The following TRIP12 variants were observed in gnomAD, a reference collection of about 807,000 sequenced individuals.
TRIP12 encodes thyroid hormone receptor interactor 12, also known as E3 ubiquitin-protein ligase TRIP12.
Under a neutral mutation model 244.2 loss-of-function variants are expected in TRIP12, and 25 were observed. The observed-to-expected ratio is 0.10, with a 90% CI of 0.07 to 0.14. The LOEUF is 0.14. Ranked by LOEUF, TRIP12 falls within the 10% of genes least tolerant of loss-of-function variation. The pLI, the probability that TRIP12 is intolerant of heterozygous loss-of-function variation, is 1.00. For missense variants in TRIP12, 1,677 were observed against 2,486.4 expected, an observed-to-expected ratio of 0.67 and a Z score of 6.92; for synonymous variants, 905 against 873.1, an observed-to-expected ratio of 1.04 and a Z score of -0.64.
At chr2:229,849,243 ATG>A (rs2058173076) in intron 4 of TRIP12, among the ~76,000 whole-genome samples, 2 of 152,336 alleles carry the variant, frequency 1.3e-5, no homozygotes, top group African/African-American at 4.8e-5. Flanking sequence ...AAAAGCAAAA[ATG>A]TGTGAGAAAG....
intron 1 of TRIP12, among the ~76,000 whole-genome samples, chr2:229,919,999 A>T (rs920688320): frequency 6.6e-6 from 1 of 152,214 alleles, no homozygotes; most frequent in East Asian, 1.9e-4. Flanking sequence ...TAAATATGAA[A>T]ATCAGCCTCA....
rs1330997978 is a variant in TRIP12, at chr2:229,785,790, T to C, written c.5061A>G (p.Ser1687=). ...AESVMQDLGS[S]RAMLEIQYEN... ...CATACTGGATTTCTAACATGGCCCG[T>C]GAGCTGCCGAGGTCCTGCATCACAG... is the stretch of plus-strand genomic sequence containing the variant. The change falls in exon 34 of 42, where the codon TCA becomes TCG. Residue 1687 remains serine, a synonymous_variant. Coordinates refer to ENST00000675903, the MANE Select transcript of TRIP12 (RefSeq NM_001348323.3). 1.9e-6 allele frequency: 3 copies of C among 1,613,396 alleles called. No homozygotes were observed. The highest frequency in any genetic ancestry group is 3.3e-5 in the Admixed American group (2 of 59,938).
chr2:229,849,349 G>GT (rs2058199254), intron 4 of TRIP12, among the ~76,000 whole-genome samples: 1 of 152,186 alleles, frequency 6.6e-6, no homozygotes, highest in Non-Finnish European at 1.5e-5. Context: ...AAGACAGGAA[G>GT]TATGTAACAG....
chr2:229,785,366 G>A lies in TRIP12; in HGVS notation c.5094+391C>T, dbSNP rs528428554. Among the ~76,000 whole-genome samples the A allele has an allele frequency of 1.5e-3, 235 of 152,294 alleles. 1 individual carries two copies. Among genetic ancestry groups the A allele is most frequent in the African/African-American group, 5.5e-3 (227 of 41,574 alleles). On this transcript the variant is annotated intron_variant, in intron 34 of 41. Coordinates refer to ENST00000675903, the MANE Select transcript of TRIP12 (RefSeq NM_001348323.3). ...TGATCAGAGTATTCTTTATCTTGAC[G>A]TGAAAGTGGTAACAAATTGCATCTG...
intron 8 of TRIP12, among the ~76,000 whole-genome samples, chr2:229,827,558 T>C (rs189844365): frequency 6.6e-6 from 1 of 152,070 alleles, no homozygotes; most frequent in Admixed American, 6.5e-5. Context: ...GGGATGAAGA[T>C]CATCGGTATC....
rs1407147450 is a variant in TRIP12, at chr2:229,820,475, CTT to C, written c.1451-1965_1451-1964del. On this transcript the variant is annotated intron_variant, in intron 8 of 41. Coordinates refer to ENST00000675903, the MANE Select transcript of TRIP12 (RefSeq NM_001348323.3). ...TTTGAATTTAGAATCATTTTATACT[CTT>C]AAAAACTACTGAGGTACCACAAAGC... is the stretch of plus-strand genomic sequence containing the variant. Among the ~76,000 whole-genome samples, 241 of 152,226 alleles carry C rather than the reference CTT, an allele frequency of 1.6e-3. 1 individual carries two copies. The highest frequency in any genetic ancestry group is 6.8e-3 in the Middle Eastern group (2 of 294).
intron 4 of TRIP12, among the ~76,000 whole-genome samples, chr2:229,850,131 G>A (rs1465943589): frequency 3.3e-5 from 5 of 152,100 alleles, no homozygotes; most frequent in Non-Finnish European, 7.4e-5. Context: ...ACATAATTTG[G>A]CTAATTTAAT....
intron 1 of TRIP12, among the ~76,000 whole-genome samples, chr2:229,901,678 G>C (rs1478112770): frequency 6.6e-6 from 1 of 151,626 alleles, no homozygotes; most frequent in African/African-American, 2.4e-5. Flanking sequence ...CTTCAGAACA[G>C]TTTTTTAGGA....
At chr2:229,853,553 A>C (rs2059099751) in intron 4 of TRIP12, among the ~76,000 whole-genome samples, 1 of 152,160 alleles carries the variant, frequency 6.6e-6, no homozygotes, top group South Asian at 2.1e-4. Flanking sequence ...GCTACTTGGG[A>C]GGCTGAGACA....
intron 16 of TRIP12, 129 bp downstream of exon 16, chr2:229,808,123 C>T (rs1331463365): frequency 2.5e-5 from 19 of 748,592 alleles, no homozygotes; most frequent in East Asian, 2.4e-4. Flanking sequence ...CCCGCCACTA[C>T]GCCCAGGTAA....
chr2:229,814,534 AAT>A (rs1292472220), intron 11 of TRIP12: 9 of 420,852 alleles, frequency 2.1e-5, no homozygotes, highest in Admixed American at 4.0e-5. Flanking sequence ...GATACTGAAA[AAT>A]ATGTTTTACA....
At chr2:229,802,004 A>G (rs1275915042) in intron 21 of TRIP12, among the ~76,000 whole-genome samples, 1 of 152,226 alleles carries the variant, frequency 6.6e-6, no homozygotes. Context: ...CAAGTCACAA[A>G]TGTCTCTGAA....
Position 229,791,965 on chromosome 2 carries a change from C to T in TRIP12, c.4316G>A (p.Arg1439Gln), listed in dbSNP as rs756160444. Reference sequence around the variant, plus strand: ...ATCTTCAGCCTGTATACTAAACTGCCGTACTGCCTGATACACAGTCATGTT... The same window carrying T: ...ATCTTCAGCCTGTATACTAAACTGCTGTACTGCCTGATACACAGTCATGTT... The part of the protein sequence containing the change: ...PYNMTVYQAV[R>Q]QFSIQAEDER... Residue 1439 changes from arginine to glutamine, a missense_variant, in exon 29 of 42, where the codon CGG (arginine) becomes CAG (glutamine). This residue lies in a region of TRIP12 where 265 missense variants were observed against 370.8 expected (regional missense o/e 0.71). Transcript: ENST00000675903. 28 of 1,614,114 alleles carry T rather than the reference C, an allele frequency of 1.7e-5. No individual in the cohort carries two copies. The highest frequency in any genetic ancestry group is 2.2e-5 in the Non-Finnish European group (26 of 1,179,984).
Position 229,827,106 on chromosome 2 carries a change from CTG to C in TRIP12, c.1450+2085_1450+2086del, listed in dbSNP as rs1477106968. Among the ~76,000 whole-genome samples, 4 of 152,122 alleles carry C rather than the reference CTG, an allele frequency of 2.6e-5. No homozygotes were observed. The East Asian group carries it at 7.7e-4, about 29-fold the overall frequency. ...ACATCCTAGCTAACACAGTGAAACC[CTG>C]TCTCTACTAAAAATACAAAAAATTA... On this transcript the variant is annotated intron_variant, in intron 8 of 41. Coordinates refer to ENST00000675903, the MANE Select transcript of TRIP12 (RefSeq NM_001348323.3).
intron 2 of TRIP12, among the ~76,000 whole-genome samples, chr2:229,878,464 C>G (rs1007996597): frequency 2.3e-4 from 35 of 149,524 alleles, no homozygotes; most frequent in Non-Finnish European, 3.6e-4. Context: ...AAAAAGAAAA[C>G]AAAACAAAAA....
At chr2:229,811,412 CTT>C (rs1253339986) in intron 13 of TRIP12, among the ~76,000 whole-genome samples, 3 of 151,268 alleles carry the variant, frequency 2.0e-5, no homozygotes, top group East Asian at 1.9e-4. Flanking sequence ...CAACCTCTCT[CTT>C]GTATAAAGGC....
At position 229,805,633 on chromosome 2, in the gene TRIP12, G is replaced by T. The variant is rs975968781; in HGVS notation, c.2650+97C>A. The T allele has an allele frequency of 1.6e-5, 20 of 1,225,424 alleles. No individual in the cohort carries two copies. In the South Asian group the frequency reaches 3.5e-4, roughly 21 times the overall value. The allele number at this position is 1,225,424 out of a possible 1,614,324, so 75.9% of individuals were successfully genotyped here. A position where few individuals can be genotyped will look rare whatever the true frequency, so the allele number is the denominator to read the frequency against. ...AATTATTGTTATGCAATTGTCTTAA[G>T]CTTAAAAAGATACTTAATAAGCCAA... On this transcript the variant is annotated intron_variant, in intron 18 of 41. Coordinates refer to ENST00000675903, the MANE Select transcript of TRIP12 (RefSeq NM_001348323.3).
At chr2:229,856,293 ATACTAAAT>A (rs1339000362) in intron 4 of TRIP12, among the ~76,000 whole-genome samples, 2 of 152,186 alleles carry the variant, frequency 1.3e-5, no homozygotes, top group Non-Finnish European at 2.9e-5. Flanking sequence ...GAGTTTTAAA[ATACTAAAT>A]TAGTTTGTGA....
chr2:229,903,015 T>A, intron 1 of TRIP12, among the ~76,000 whole-genome samples: 1 of 98,022 alleles, frequency 1.0e-5, no homozygotes, highest in Non-Finnish European at 2.1e-5. Flanking sequence ...TTTTTCTTTT[T>A]TTCTTTTTTT....
Sources: gnomAD v4.1 joint callset for allele counts (sites outside exome capture counted in the v4.1 genomes callset) on GRCh38, gnomAD v4.1.1 for gene constraint, gnomAD v4.1.1 regional missense constraint, MANE v1.5 for transcripts, NCBI Gene and HGNC (gene_info 2026-07-23, HGNC 2026-07-21) for gene names.